The following STAG1 variants were observed in gnomAD, a reference collection of about 807,000 sequenced individuals.
STAG1 encodes the protein STAG1 cohesin complex component.
Under a neutral mutation model 170.9 loss-of-function variants are expected in STAG1, and 26 were observed. The observed-to-expected ratio is 0.15, with a 90% confidence interval of 0.11 to 0.21. The LOEUF (loss-of-function observed/expected upper bound fraction) is 0.21. Among genes scored for constraint, STAG1 ranks in the 10% least tolerant of loss-of-function variants. STAG1 has a pLI of 1.00. For synonymous variants in STAG1, 514 were observed against 497.7 expected (o/e 1.03, Z -0.44); for missense variants, 964 against 1,509.5 (o/e 0.64, Z 5.99).
intron 1 of STAG1, among the ~76,000 whole-genome samples, chr3:136,637,781 C>T (rs146237516): frequency 3.9e-5 from 6 of 152,080 alleles, no homozygotes; most frequent in Admixed American, 6.5e-5. Context: ...TTCACAGCTA[C>T]AGGAGGAAGA....
chr3:136,718,993 T>C (rs1933034457), intron 1 of STAG1, among the ~76,000 whole-genome samples: 2 of 152,110 alleles, frequency 1.3e-5, no homozygotes, highest in African/African-American at 4.8e-5. Flanking sequence ...AATTTAGCGG[T>C]TTCTTAAAAT....
chr3:136,631,004 T>C, intron 1 of STAG1, 23 bp from the exon 2 acceptor site: 3 of 1,108,752 alleles, frequency 2.7e-6, no homozygotes, highest in Admixed American at 2.9e-5. Flanking sequence ...AAAAAGAAAT[T>C]ATTTTAAAAT....
At chr3:136,645,398 G>T (rs114823312) in intron 1 of STAG1, among the ~76,000 whole-genome samples, 1 of 151,994 alleles carries the variant, frequency 6.6e-6, no homozygotes. Flanking sequence ...AGGTTAAATG[G>T]TAAGTTTCAT....
At chr3:136,433,684 C>CATGAGTA in intron 15 of STAG1, 25 bp from the exon 16 acceptor site, 1 of 1,480,132 alleles carries the variant, frequency 6.8e-7, no homozygotes, top group Non-Finnish European at 9.4e-7. Context: ...AATACATGAG[C>CATGAGTA]ATGAGTAGAC....
Position 136,563,145 on chromosome 3 carries a change from A to C in STAG1, c.394+5620T>G, listed in dbSNP as rs1032515185. ...GCTATCTATCAAGTTTCTACATTGC[A>C]AAGTTTCTATTTTACCCTGTAAATA... On this transcript the variant is annotated intron_variant, in intron 5 of 33. Transcript: ENST00000383202. 5.3e-5 allele frequency among the ~76,000 whole-genome samples: 8 copies of C among 152,152 alleles called. No homozygotes were observed. The East Asian group carries it at 7.7e-4, about 15-fold the overall frequency.
At chr3:136,636,119 G>A (rs545300859) in intron 1 of STAG1, among the ~76,000 whole-genome samples, 3 of 151,874 alleles carry the variant, frequency 2.0e-5, no homozygotes, top group East Asian at 1.9e-4. Flanking sequence ...ATGGTGGTAC[G>A]CGCCTGTAAT....
chr3:136,454,815 G>T (rs1204652982), intron 13 of STAG1, among the ~76,000 whole-genome samples: 1 of 152,118 alleles, frequency 6.6e-6, no homozygotes, highest in African/African-American at 2.4e-5. Flanking sequence ...ACTACTTTTT[G>T]GATGATTGGT....
At chr3:136,719,553 G>A (rs933200033) in intron 1 of STAG1, among the ~76,000 whole-genome samples, 11 of 150,718 alleles carry the variant, frequency 7.3e-5, no homozygotes, top group African/African-American at 2.7e-4. Flanking sequence ...AGCAAGGAGC[G>A]GCAGCACTAC....
intron 16 of STAG1, among the ~76,000 whole-genome samples, chr3:136,427,850 T>G (rs1241613163): frequency 6.6e-6 from 1 of 152,006 alleles, no homozygotes; most frequent in Non-Finnish European, 1.5e-5. Context: ...AATAACAACT[T>G]AAAGCCAAAG....
At chr3:136,349,817 G>C (rs1936367569) in intron 28 of STAG1, among the ~76,000 whole-genome samples, 1 of 152,144 alleles carries the variant, frequency 6.6e-6, no homozygotes, top group Non-Finnish European at 1.5e-5. Flanking sequence ...TAAAGTATTT[G>C]CCAATTCTCT....
At chr3:136,363,288 T>C (rs531605448) in intron 26 of STAG1, 78 bp downstream of exon 26, 41 of 730,894 alleles carry the variant, frequency 5.6e-5, no homozygotes, top group South Asian at 2.2e-4. Flanking sequence ...TGAGATGAGA[T>C]ACCTAGCAAA....
chr3:136,737,595 ATAC>A (rs1332722335), intron 1 of STAG1, among the ~76,000 whole-genome samples: 1 of 152,152 alleles, frequency 6.6e-6, no homozygotes, highest in East Asian at 1.9e-4. Flanking sequence ...CTTTTTCACC[ATAC>A]TACCTCTTGC....
chr3:136,661,874 C>T (rs1941593764), intron 1 of STAG1, among the ~76,000 whole-genome samples: 1 of 152,182 alleles, frequency 6.6e-6, no homozygotes, highest in Non-Finnish European at 1.5e-5. Context: ...TTACACAAGG[C>T]ACAGAAAAAT....
intron 29 of STAG1, 28 bp downstream of exon 29, chr3:136,349,130 G>A (rs1936342067): frequency 1.3e-6 from 2 of 1,544,326 alleles, no homozygotes; most frequent in South Asian, 1.1e-5. Context: ...CAGGCAAATT[G>A]TTTCTTATAG....
intron 4 of STAG1, among the ~76,000 whole-genome samples, chr3:136,569,408 ATC>A (rs1484735359): frequency 1.3e-5 from 2 of 150,580 alleles, no homozygotes; most frequent in African/African-American, 4.9e-5. Flanking sequence ...TCTGTAGCCA[ATC>A]CAAAAAAAAA....
intron 1 of STAG1, among the ~76,000 whole-genome samples, chr3:136,685,965 T>C (rs142412865): frequency 1.2e-4 from 19 of 152,336 alleles, no homozygotes; most frequent in African/African-American, 4.6e-4. Flanking sequence ...GTTATGTATA[T>C]TGTTTTAATA....
chr3:136,552,101 C>A (rs72971418), intron 5 of STAG1, among the ~76,000 whole-genome samples: 121 of 152,268 alleles, frequency 7.9e-4, no homozygotes, highest in African/African-American at 2.9e-3. Context: ...AGTACCTGCA[C>A]GTCAGCCTAC....
chr3:136,383,643 A>AC (rs1234915015), intron 22 of STAG1, among the ~76,000 whole-genome samples: 1 of 151,988 alleles, frequency 6.6e-6, no homozygotes, highest in Admixed American at 6.6e-5. Context: ...TGGTATTATC[A>AC]CCCCCACTTT....
chr3:136,703,523 C>T (rs1257330212), intron 1 of STAG1, among the ~76,000 whole-genome samples: 2 of 152,310 alleles, frequency 1.3e-5, no homozygotes, highest in South Asian at 4.1e-4. Context: ...CGGCATTGCT[C>T]AGTAAACATA....
Sources: allele counts gnomAD v4.1 joint callset (sites outside exome capture counted in the v4.1 genomes callset), GRCh38; gene constraint gnomAD v4.1.1; transcripts MANE v1.5; gene names NCBI Gene and HGNC (gene_info 2026-07-23, HGNC 2026-07-21).